The following RIMS1 variants were observed in gnomAD, a reference collection of about 807,000 sequenced individuals.
RIMS1 encodes the protein regulating synaptic membrane exocytosis protein 1.
RIMS1 carries 83 observed loss-of-function variants against 214.1 expected under a neutral mutation model. The observed-to-expected ratio is 0.39, with a 90% CI of 0.32 to 0.47. RIMS1 has a LOEUF of 0.47. RIMS1 is among the 20% of genes least tolerant of loss of function. The pLI is 0.99. For synonymous variants in RIMS1, 793 were observed against 786.8 expected (o/e 1.01, Z -0.13); for missense variants, 2,050 against 2,161.8 (o/e 0.95, Z 1.03).
intron 2 of RIMS1, among the ~76,000 whole-genome samples, chr6:72,031,563 C>G (rs1022169483): frequency 6.6e-6 from 1 of 151,850 alleles, no homozygotes; most frequent in East Asian, 1.9e-4. Context: ...AACTAAAATC[C>G]GGGGGAAATA....
intron 1 of RIMS1, among the ~76,000 whole-genome samples, chr6:71,926,245 T>C (rs1413655128): frequency 6.6e-6 from 1 of 152,186 alleles, no homozygotes; most frequent in East Asian, 1.9e-4. Context: ...TGGTGCTTTT[T>C]AAAATATCAC....
chr6:72,396,580 A>G (rs1176297741), intron 31 of RIMS1, among the ~76,000 whole-genome samples: 1 of 152,250 alleles, frequency 6.6e-6, no homozygotes, highest in Non-Finnish European at 1.5e-5. Flanking sequence ...GAGAGTAGAT[A>G]AATAAATATG....
At chr6:72,175,679 C>A (rs1315228676) in intron 4 of RIMS1, among the ~76,000 whole-genome samples, 16 of 145,516 alleles carry the variant, frequency 1.1e-4, no homozygotes, top group African/African-American at 1.0e-4. Flanking sequence ...ATTCCCCCAC[C>A]AAAAAAAAAA....
intron 2 of RIMS1, among the ~76,000 whole-genome samples, chr6:72,095,614 A>T (rs2031313600): frequency 6.6e-6 from 1 of 152,250 alleles, no homozygotes; most frequent in African/African-American, 2.4e-5. Context: ...GCAAAGCAGC[A>T]AAGGGATTTG....
chr6:72,080,108 A>G (rs1327343806), intron 2 of RIMS1, among the ~76,000 whole-genome samples: 3 of 103,434 alleles, frequency 2.9e-5, no homozygotes, highest in Admixed American at 1.1e-4. Flanking sequence ...AAAAAAAAAT[A>G]CAGAAATTAG....
intron 4 of RIMS1, among the ~76,000 whole-genome samples, chr6:72,155,856 T>C (rs1588188548): frequency 7.1e-6 from 1 of 140,260 alleles, no homozygotes; most frequent in South Asian, 2.4e-4. Flanking sequence ...ACCATATCAC[T>C]GGCCCGTAGG....
At chr6:72,235,303 G>A (rs916440783) in intron 7 of RIMS1, among the ~76,000 whole-genome samples, 16 of 151,960 alleles carry the variant, frequency 1.1e-4, no homozygotes, top group African/African-American at 2.4e-4. Context: ...TATTCCTCCT[G>A]TATAGCTGTA....
At chr6:72,178,493 T>G (rs769428157) in intron 4 of RIMS1, among the ~76,000 whole-genome samples, 5 of 152,226 alleles carry the variant, frequency 3.3e-5, no homozygotes, top group Non-Finnish European at 7.3e-5. Flanking sequence ...GAGTACATGT[T>G]GATTGAGTCA....
In RIMS1 at chr6:72,096,288, C is replaced by G. The variant is rs182522081; in HGVS notation, c.246-661C>G. Among the ~76,000 whole-genome samples, 23 of 152,304 alleles carry G rather than the reference C, an allele frequency of 1.5e-4. 1 individual carries two copies. Among genetic ancestry groups the G allele is most frequent in the Admixed American group, 1.3e-3 (20 of 15,304 alleles). On this transcript the variant is annotated intron_variant, in intron 2 of 33. Coordinates refer to ENST00000521978, the MANE Select transcript of RIMS1 (RefSeq NM_014989.7). ...GAACTTTTGATGTGAACTGCAAGAA[C>G]TAGGAGCTCAAATATAATGTAAAAG...
At chr6:71,977,602 A>G (rs1227771992) in intron 2 of RIMS1, among the ~76,000 whole-genome samples, 1 of 152,164 alleles carries the variant, frequency 6.6e-6, no homozygotes, top group Non-Finnish European at 1.5e-5. Context: ...TGGGAAAACT[A>G]TTTAGAAAGA....
intron 6 of RIMS1, among the ~76,000 whole-genome samples, chr6:72,200,486 C>A (rs2051750937): frequency 6.6e-6 from 1 of 152,146 alleles, no homozygotes; most frequent in Non-Finnish European, 1.5e-5. Flanking sequence ...GTAGTTTCTT[C>A]TTTAATTACT....
intron 2 of RIMS1, among the ~76,000 whole-genome samples, chr6:71,982,591 C>G (rs1386334834): frequency 6.6e-6 from 1 of 152,094 alleles, no homozygotes; most frequent in African/African-American, 2.4e-5. Flanking sequence ...AGATGGGAAA[C>G]CCCTGAGTCA....
At chr6:72,267,473 G>C (rs1328389988) in intron 22 of RIMS1, among the ~76,000 whole-genome samples, 1 of 152,050 alleles carries the variant, frequency 6.6e-6, no homozygotes, top group East Asian at 1.9e-4. Context: ...AAAGGATTAA[G>C]TTAATTTTAA....
intron 2 of RIMS1, among the ~76,000 whole-genome samples, chr6:71,981,945 T>A (rs950094469): frequency 3.3e-5 from 5 of 151,826 alleles, no homozygotes; most frequent in African/African-American, 1.2e-4. Context: ...AATTGCTTTT[T>A]TTTTTGGTTT....
chr6:72,171,350 G>GTGTGTATGTGTGCATATAT, intron 4 of RIMS1, among the ~76,000 whole-genome samples: 1 of 149,846 alleles, frequency 6.7e-6, no homozygotes, highest in East Asian at 1.9e-4. Flanking sequence ...TATATTACGT[G>GTGTGTATGTGTGCATATAT]TGTGTGTGTA....
chr6:72,194,875 A>C (rs1034530451), intron 6 of RIMS1, among the ~76,000 whole-genome samples: 1 of 152,194 alleles, frequency 6.6e-6, no homozygotes, highest in Non-Finnish European at 1.5e-5. Context: ...CCAGGTGAGA[A>C]AAATTGGGCA....
chr6:72,015,049 T>A (rs1425639916), intron 2 of RIMS1, among the ~76,000 whole-genome samples: 2 of 151,944 alleles, frequency 1.3e-5, no homozygotes, highest in East Asian at 3.8e-4. Context: ...CATTTTGCAT[T>A]TTTTTTTATT....
At chr6:71,922,250 T>C (rs2150769464) in intron 1 of RIMS1, among the ~76,000 whole-genome samples, 1 of 152,334 alleles carries the variant, frequency 6.6e-6, no homozygotes, top group East Asian at 1.9e-4. Flanking sequence ...TCATCATCAG[T>C]ATCTATACTC....
chr6:71,931,043 C>A (rs1782879342), intron 1 of RIMS1, among the ~76,000 whole-genome samples: 1 of 151,974 alleles, frequency 6.6e-6, no homozygotes, highest in African/African-American at 2.4e-5. Context: ...TTTTTGTGTT[C>A]ATAGTTTCAT....
Sources: allele counts gnomAD v4.1 joint callset (sites outside exome capture counted in the v4.1 genomes callset), GRCh38; gene constraint gnomAD v4.1.1; transcripts MANE v1.5; gene names NCBI Gene and HGNC (gene_info 2026-07-23, HGNC 2026-07-21).